ING5: variants seen among roughly 807,000 people sequenced by gnomAD.
ING5 encodes the protein inhibitor of growth protein 5.
Under a neutral mutation model 37.4 loss-of-function variants are expected in ING5, and 17 were observed. The ratio of observed to expected loss-of-function variants is 0.45; its 90% CI spans 0.31 to 0.68. The LOEUF (loss-of-function observed/expected upper bound fraction) is 0.68. Ranked by LOEUF, ING5 falls within the 30% of genes least tolerant of loss-of-function variation. ING5 has a pLI of 0.05. For missense variants in ING5, 233 were observed against 311.9 expected (o/e 0.75, Z 1.91); for synonymous variants, 123 against 116.6 (o/e 1.06, Z -0.36).
In ING5 at chr2:241,725,019, G is replaced by A; in HGVS notation, c.711G>A (p.Arg237=). ...WFCPRCVQEK[R]KKK is the part of the protein sequence containing the mutation. ...GTCCACGGTGTGTCCAGGAAAAGAG[G>A]AAGAAGAAGTAGGAGGAGCTGTGTG... The change falls in exon 8 of 8, where the codon AGG becomes AGA. Residue 237 remains arginine, a synonymous_variant. Coordinates refer to ENST00000313552, the MANE Select transcript of ING5 (RefSeq NM_032329.6). 2 of 1,614,094 alleles carry A rather than the reference G, an allele frequency of 1.2e-6. No individual in the cohort carries two copies. Among genetic ancestry groups the A allele is most frequent in the South Asian group, 2.2e-5 (2 of 91,088 alleles).
intron 5 of ING5, among the ~76,000 whole-genome samples, chr2:241,715,185 A>G (rs1240834434): frequency 2.0e-5 from 3 of 152,016 alleles, no homozygotes; most frequent in South Asian, 4.1e-4. Flanking sequence ...CCTATTTAAA[A>G]TATTTTAGAA....
At chr2:241,722,080 G>T (rs1350592765) in intron 5 of ING5, 10 of 985,282 alleles carry the variant, frequency 1.0e-5, no homozygotes, top group Non-Finnish European at 1.1e-5. Context: ...TCAGTATTGG[G>T]GCAGAGGTGC....
intron 5 of ING5, chr2:241,719,397 A>C (rs1559311745): frequency 9.1e-5 from 56 of 616,160 alleles, no homozygotes; most frequent in East Asian, 1.9e-4. Flanking sequence ...GCTGCAGGTC[A>C]TCTAGCTCTT....
intron 5 of ING5, among the ~76,000 whole-genome samples, chr2:241,716,097 G>A (rs548936222): frequency 6.6e-6 from 1 of 151,828 alleles, no homozygotes; most frequent in African/African-American, 2.4e-5. Context: ...CACCGCACCC[G>A]GCCTTCATTG....
chr2:241,700,707 A>G (rs1575118245), upstream of ING5, among the ~76,000 whole-genome samples: 1 of 151,078 alleles, frequency 6.6e-6, no homozygotes, highest in Non-Finnish European at 1.5e-5. Flanking sequence ...TCTCACTGCA[A>G]CCTCCCTCTC....
intron 1 of ING5, 102 bp downstream of exon 1, chr2:241,702,204 G>C (rs887644147): frequency 2.9e-5 from 16 of 547,812 alleles, no homozygotes; most frequent in Admixed American, 2.5e-4. Context: ...GTGGGCTCGG[G>C]AGGGCGGCGG....
At chr2:241,721,490 G>T in intron 5 of ING5, 1 of 985,598 alleles carries the variant, frequency 1.0e-6, no homozygotes, top group Non-Finnish European at 1.2e-6. Context: ...GCCCGAGTGT[G>T]TGTGTATGTG....
chr2:241,725,005 G>T lies in ING5; in HGVS notation c.697G>T (p.Val233Phe). 1.2e-6 allele frequency: 2 copies of T among 1,614,126 alleles called. No individual in the cohort carries two copies. The highest frequency in any genetic ancestry group is 1.7e-6 in the Non-Finnish European group (2 of 1,179,970). ...TTGTCACAGGTTCTGTCCACGGTGT[G>T]TCCAGGAAAAGAGGAAGAAGAAGTA... ...PKGKWFCPRC[V>F]QEKRKKK Residue 233 changes from valine to phenylalanine, a missense_variant, in exon 8 of 8, where the codon GTC (valine) becomes TTC (phenylalanine). By Grantham distance (50) the Val-to-Phe change is conservative (BLOSUM62 -1). Coordinates refer to ENST00000313552, the MANE Select transcript of ING5 (RefSeq NM_032329.6).
intron 4 of ING5, 49 bp downstream of exon 4, chr2:241,711,537 G>GT (rs2070111790): frequency 8.1e-7 from 1 of 1,231,308 alleles, no homozygotes; most frequent in Non-Finnish European, 1.2e-6. Flanking sequence ...TAACTATGGA[G>GT]TTTTGAAGAG....
Position 241,709,319 on chromosome 2 carries a change from C to T in ING5, c.213C>T (p.Ala71=), listed in dbSNP as rs781620018. ...RVERLQKIQN[A]YSKCKEYSDD... ...AGCGCCTGCAGAAGATCCAGAACGC[C>T]TACAGCAAGTGCAAGGAATACAGTG... is the stretch of plus-strand genomic sequence containing the variant. The change falls in exon 3 of 8, where the codon GCC becomes GCT. Residue 71 remains alanine (A), a synonymous_variant. Transcript: ENST00000313552. 3.7e-6 allele frequency: 6 copies of T among 1,614,092 alleles called. No homozygotes were observed. Among genetic ancestry groups the T allele is most frequent in the Non-Finnish European group, 5.1e-6 (6 of 1,180,024 alleles).
chr2:241,712,638 G>C, intron 5 of ING5, among the ~76,000 whole-genome samples: 1 of 152,224 alleles, frequency 6.6e-6, no homozygotes, highest in East Asian at 1.9e-4. Flanking sequence ...CAAAGAGATC[G>C]TAGCATTACC....
At chr2:241,708,022 T>G (rs959693189) in intron 2 of ING5, among the ~76,000 whole-genome samples, 13 of 151,006 alleles carry the variant, frequency 8.6e-5, no homozygotes, top group African/African-American at 3.2e-4. Context: ...CTCAGCCTCC[T>G]GAGTAGCTGG....
chr2:241,712,180 C>T (rs7587136), intron 5 of ING5, 109 bp downstream of exon 5: 31,365 of 886,100 alleles, frequency 0.035, 2,507 homozygotes, highest in East Asian at 0.27. Context: ...CCCCGTGTGC[C>T]GGGTGGTATT....
At chr2:241,721,469 G>A (rs1203922037) in intron 5 of ING5, 2 of 985,502 alleles carry the variant, frequency 2.0e-6, no homozygotes, top group African/African-American at 1.7e-5. Context: ...GGGAGGCCGG[G>A]TGCATGCTGA....
chr2:241,700,451 C>T (rs2069699062), upstream of ING5, among the ~76,000 whole-genome samples: 1 of 151,110 alleles, frequency 6.6e-6, no homozygotes, highest in Non-Finnish European at 1.5e-5. Flanking sequence ...GCCACCGCGC[C>T]TGCCCTATTT....
At chr2:241,722,303 G>C in intron 5 of ING5, 1 of 985,398 alleles carries the variant, frequency 1.0e-6, no homozygotes, top group Non-Finnish European at 1.2e-6. Context: ...TGGAGGGATG[G>C]CCCAGAAGTG....
At chr2:241,720,767 C>T (rs1018770850) in intron 5 of ING5, 5 of 985,380 alleles carry the variant, frequency 5.1e-6, no homozygotes, top group African/African-American at 3.5e-5. Flanking sequence ...AGTCAGCAGC[C>T]GCTGACAGTT....
rs937512149 is a variant in ING5 at position 241,722,934 on chromosome 2, T to G, written c.483-5T>G. ...TCAGTGGTGCCTGTGCCCTGTCCCC[T>G]GCAGGTCTGAGTTCACTGACACCAT... On this transcript the variant is annotated splice_polypyrimidine_tract_variant and splice_region_variant and intron_variant, in intron 5 of 7. Transcript: ENST00000313552. The G allele has an allele frequency of 6.2e-7, 1 of 1,613,798 alleles. No individual in the cohort carries two copies. Among genetic ancestry groups the G allele is most frequent in the Non-Finnish European group, 8.5e-7 (1 of 1,180,016 alleles).
At chr2:241,688,900 C>G (rs574865811) in intron 1 of ING5, among the ~76,000 whole-genome samples, 5 of 151,710 alleles carry the variant, frequency 3.3e-5, no homozygotes, top group African/African-American at 7.3e-5. Flanking sequence ...CCGAGTTCAT[C>G]CCATTCTCCT....
Sources: allele counts gnomAD v4.1 joint callset (sites outside exome capture counted in the v4.1 genomes callset), GRCh38; gene constraint gnomAD v4.1.1; transcripts MANE v1.5; gene names NCBI Gene and HGNC (gene_info 2026-07-23, HGNC 2026-07-21).